Variants in NTM observed in about 807,000 individuals in gnomAD.
The protein encoded by NTM is IgLON family member 2.
In NTM, 13 loss-of-function variants were observed where a neutral mutation model predicts 42.1. That is an observed-to-expected ratio of 0.31 (90% CI 0.20 to 0.49). The LOEUF (loss-of-function observed/expected upper bound fraction) is 0.49, where lower values mean the gene tolerates loss of function less well. Ranked by LOEUF, NTM falls within the 20% of genes least tolerant of loss-of-function variation. The probability of loss-of-function intolerance (pLI) is 0.99; values close to 1 mark genes in which losing one functional copy is unlikely to be tolerated. For missense variants in NTM, 373 were observed against 452.8 expected (o/e 0.82, Z 1.60); for synonymous variants, 187 against 179.2 (o/e 1.04, Z -0.35).
chr11:131,418,289 G>A (rs1243339067), intron 1 of NTM, among the ~76,000 whole-genome samples: 1 of 152,192 alleles, frequency 6.6e-6, no homozygotes, highest in Non-Finnish European at 1.5e-5. Context: ...GAAACCAAAC[G>A]CCTTGCTGCA....
At chr11:132,206,365 C>T (rs2081992420) in intron 3 of NTM, among the ~76,000 whole-genome samples, 1 of 152,106 alleles carries the variant, frequency 6.6e-6, no homozygotes, top group Non-Finnish European at 1.5e-5. Flanking sequence ...TTGATTCTGT[C>T]AAAATTTATG....
At chr11:132,189,983 G>T (rs984588481) in intron 3 of NTM, among the ~76,000 whole-genome samples, 1 of 152,154 alleles carries the variant, frequency 6.6e-6, no homozygotes, top group Non-Finnish European at 1.5e-5. Context: ...GTACATATAC[G>T]AATAGTTGCT....
chr11:132,319,861 A>AC (rs966731449), intron 7 of NTM, among the ~76,000 whole-genome samples: 13 of 152,126 alleles, frequency 8.5e-5, no homozygotes, highest in African/African-American at 2.9e-4. Flanking sequence ...AACGGGAGGC[A>AC]CCCCCCAGTA....
chr11:131,894,489 T>C, intron 1 of NTM, among the ~76,000 whole-genome samples: 1 of 152,148 alleles, frequency 6.6e-6, no homozygotes, highest in East Asian at 1.9e-4. Context: ...AGCCTCTGCT[T>C]GGGGCCTGAC....
chr11:131,978,881 G>A (rs1430195427), intron 2 of NTM, among the ~76,000 whole-genome samples: 1 of 152,100 alleles, frequency 6.6e-6, no homozygotes, highest in Non-Finnish European at 1.5e-5. Context: ...ACCTGACCGG[G>A]AAACCCTTTT....
At chr11:132,287,426 A>G (rs1465411833) in intron 4 of NTM, among the ~76,000 whole-genome samples, 1 of 152,168 alleles carries the variant, frequency 6.6e-6, no homozygotes, top group Non-Finnish European at 1.5e-5. Flanking sequence ...AGCTCATGTC[A>G]TGCATGTCAG....
At chr11:131,476,800 G>C (rs559106704) in intron 1 of NTM, among the ~76,000 whole-genome samples, 1 of 140,330 alleles carries the variant, frequency 7.1e-6, no homozygotes, top group South Asian at 2.6e-4. Flanking sequence ...CACATAGGCG[G>C]AAAAGCTCTC....
intron 1 of NTM, among the ~76,000 whole-genome samples, chr11:131,884,504 C>G (rs80127870): frequency 0.021 from 3,193 of 152,266 alleles, 229 homozygotes; most frequent in East Asian, 0.2. Flanking sequence ...TAGGGCAGAG[C>G]TGAGGTTTGT....
intron 2 of NTM, among the ~76,000 whole-genome samples, chr11:132,028,619 T>C (rs1278230396): frequency 6.6e-6 from 1 of 152,172 alleles, no homozygotes; most frequent in Non-Finnish European, 1.5e-5. Context: ...TTACTAAGCC[T>C]GTGCCCCTGC....
intron 1 of NTM, among the ~76,000 whole-genome samples, chr11:131,888,400 C>T (rs2050728440): frequency 6.6e-6 from 1 of 152,210 alleles, no homozygotes; most frequent in Admixed American, 6.5e-5. Context: ...CATTCCCCTC[C>T]AGCTCATGAC....
chr11:131,581,053 G>A (rs1026091067), intron 1 of NTM, among the ~76,000 whole-genome samples: 20 of 152,172 alleles, frequency 1.3e-4, no homozygotes, highest in African/African-American at 4.6e-4. Context: ...AGGGTGTGGG[G>A]TATGGGGTTT....
chr11:132,107,869 A>G (rs1348916157), intron 2 of NTM, among the ~76,000 whole-genome samples: 2 of 152,150 alleles, frequency 1.3e-5, no homozygotes, highest in African/African-American at 2.4e-5. Flanking sequence ...ACTTCATCCT[A>G]TGTCTTCTGT....
At chr11:131,735,042 T>C (rs1165875479) in intron 1 of NTM, among the ~76,000 whole-genome samples, 1 of 152,238 alleles carries the variant, frequency 6.6e-6, no homozygotes, top group Non-Finnish European at 1.5e-5. Flanking sequence ...TCTTTCCATC[T>C]GACTCAATGG....
chr11:131,706,000 A>G (rs1285000826), intron 1 of NTM, among the ~76,000 whole-genome samples: 2 of 152,056 alleles, frequency 1.3e-5, no homozygotes, highest in South Asian at 2.1e-4. Context: ...ATTACTTTAA[A>G]TGTAAATGGA....
intron 2 of NTM, among the ~76,000 whole-genome samples, chr11:132,050,371 C>T (rs1378682813): frequency 2.0e-5 from 3 of 152,136 alleles, no homozygotes; most frequent in Admixed American, 6.5e-5. Flanking sequence ...TGTGAACCAG[C>T]CCACCCCTAC....
At position 131,632,698 on chromosome 11, in the gene NTM, G is replaced by T. The variant is rs1433555023; in HGVS notation, c.82+261810G>T. 7.8e-4 allele frequency among the ~76,000 whole-genome samples: 5 copies of T among 6,414 alleles called. 1 individual carries two copies. The highest frequency in any genetic ancestry group is 1.9e-3 in the African/African-American group (5 of 2,598). 4.2% of individuals were successfully genotyped at this position (6,414 alleles called of 152,430 possible). A position where few individuals can be genotyped will look rare whatever the true frequency, so the allele number is the denominator to read the frequency against. ...CTTTTTTTTTTTTTTTTTTTGAGACGGAGTTTCGCTCTGTCGCCCAGGCTG... is the reference window on the plus strand; with the variant it reads ...CTTTTTTTTTTTTTTTTTTTGAGACTGAGTTTCGCTCTGTCGCCCAGGCTG... On this transcript the variant is annotated intron_variant, in intron 1 of 8. Coordinates refer to ENST00000683400, the MANE Select transcript of NTM (RefSeq NM_001352005.2).
At chr11:131,598,687 CTTT>C (rs1565684856) in intron 1 of NTM, among the ~76,000 whole-genome samples, 488 of 21,214 alleles carry the variant, frequency 0.023, 108 homozygotes, top group Admixed American at 0.052. Flanking sequence ...CATTTGTTTT[CTTT>C]CTTTCTTTCT....
chr11:131,668,690 T>A (rs2069551771), intron 1 of NTM, among the ~76,000 whole-genome samples: 1 of 152,220 alleles, frequency 6.6e-6, no homozygotes, highest in African/African-American at 2.4e-5. Flanking sequence ...CATTGAACTC[T>A]GACTAATGAG....
chr11:132,098,653 G>A (rs570807173), intron 2 of NTM, among the ~76,000 whole-genome samples: 1 of 152,362 alleles, frequency 6.6e-6, no homozygotes, highest in African/African-American at 2.4e-5. Context: ...CCCATAAAGT[G>A]CCTTTTAAGA....
Sources: gnomAD v4.1 joint callset for allele counts (sites outside exome capture counted in the v4.1 genomes callset) on GRCh38, gnomAD v4.1.1 for gene constraint, MANE v1.5 for transcripts, NCBI Gene and HGNC (gene_info 2026-07-23, HGNC 2026-07-21) for gene names.